The following SCAMP4 variants were observed in gnomAD, a reference collection of about 807,000 sequenced individuals.
The protein encoded by SCAMP4 is secretory carrier membrane protein 4, also known as secretory carrier-associated membrane protein 4.
A neutral mutation model predicts 32.1 loss-of-function variants in SCAMP4; 19 were observed. That is an observed-to-expected ratio of 0.59 (90% confidence interval 0.41 to 0.87). The LOEUF is 0.87. SCAMP4 is among the 40% of genes least tolerant of loss of function. The pLI is 0.00. For missense variants in SCAMP4, 302 were observed against 309.0 expected (o/e 0.98, Z 0.17); for synonymous variants, 152 against 132.7 (o/e 1.15, Z -1.00).
At chr19:1,918,450 G>C (rs2013808707) in intron 4 of SCAMP4, among the ~76,000 whole-genome samples, 167 bp downstream of exon 4, 1 of 152,182 alleles carries the variant, frequency 6.6e-6, no homozygotes, top group Non-Finnish European at 1.5e-5. Flanking sequence ...GCCAACTACT[G>C]TCTGTTTTGT....
At chr19:1,913,039 G>T in intron 1 of SCAMP4, 1 of 1,603,836 alleles carries the variant, frequency 6.2e-7, no homozygotes, top group Non-Finnish European at 8.5e-7. Flanking sequence ...TCGCCCGACG[G>T]CGCCCTGGGC....
chr19:1,924,003 G>T lies in SCAMP4; in HGVS notation c.514-105G>T. 7 of 312,874 alleles carry T rather than the reference G, an allele frequency of 2.2e-5. 2 individuals are homozygous for T. The highest frequency in any genetic ancestry group is 3.7e-5 in the African/African-American group (2 of 54,354). The allele number at this position is 312,874 out of a possible 1,614,324, so 19.4% of individuals were successfully genotyped here. A position where few individuals can be genotyped will look rare whatever the true frequency, so the allele number is the denominator to read the frequency against. On this transcript the variant is annotated intron_variant, in intron 6 of 6. Transcript: ENST00000316097. ...TCGAACTCCAGAGCTCAGACAGTCT[G>T]TCTGCCTCGGCCTCCCGAAGTGCTG...
At position 1,908,219 on chromosome 19, in the gene SCAMP4, C is replaced by T. The variant is rs773085442; in HGVS notation, c.-42+2780C>T. ...CCACCTGGCACGGGGCCTCGGGCAG[C>T]GGCAGCACCTGGCGCTGCCTCCGCG... On this transcript the variant is annotated intron_variant, in intron 1 of 6. Coordinates refer to ENST00000316097, the MANE Select transcript of SCAMP4 (RefSeq NM_079834.4). This position sits in a 1 kb window ranked among gnomAD's most constrained non-coding sequence, Gnocchi z 4.2. The T allele has an allele frequency of 7.2e-6, 2 of 278,762 alleles. No individual in the cohort carries two copies. The highest frequency in any genetic ancestry group is 3.0e-5 in the South Asian group (1 of 33,154). The allele number at this position is 278,762 out of a possible 1,614,324, so 17.3% of individuals were successfully genotyped here. A position where few individuals can be genotyped will look rare whatever the true frequency, so the allele number is the denominator to read the frequency against.
chr19:1,924,340 T>G lies in SCAMP4; in HGVS notation c.*56T>G. 12 of 1,475,278 alleles carry G rather than the reference T, an allele frequency of 8.1e-6. No homozygotes were observed. The highest frequency in any genetic ancestry group is 1.2e-5 in the South Asian group (1 of 82,078). 91.4% of individuals were successfully genotyped at this position (1,475,278 alleles called of 1,614,324 possible). A position where few individuals can be genotyped will look rare whatever the true frequency, so the allele number is the denominator to read the frequency against. ...ACCTCCTCCCCTTCATTCCTGCTGC[T>G]ACCCCTGGTCCCGAGGGCTGGGAGT... On this transcript the variant is annotated 3_prime_UTR_variant, in exon 7 of 7. Transcript: ENST00000316097.
Position 1,918,066 on chromosome 19 carries a change from A to G in SCAMP4, c.137-61A>G, listed in dbSNP as rs541852404. 23 of 1,560,006 alleles carry G rather than the reference A, an allele frequency of 1.5e-5. No individual in the cohort carries two copies. The South Asian group carries it at 2.5e-4, about 17-fold the overall frequency. On this transcript the variant is annotated intron_variant, in intron 3 of 6. Coordinates refer to ENST00000316097, the MANE Select transcript of SCAMP4 (RefSeq NM_079834.4). ...CAGCGGGTGCCCCATTGCTGGGCCC[A>G]TGCTTTCCCACGGCCACACCCTCCC...
At chr19:1,910,182 G>T (rs139784391) in intron 1 of SCAMP4, among the ~76,000 whole-genome samples, 1 of 152,302 alleles carries the variant, frequency 6.6e-6, no homozygotes, top group South Asian at 2.1e-4. Context: ...GGGTCTCACC[G>T]GGCTGGAACC....
chr19:1,924,422 G>A lies in SCAMP4; in HGVS notation c.*138G>A, dbSNP rs1030300435. On this transcript the variant is annotated 3_prime_UTR_variant, in exon 7 of 7. Coordinates refer to ENST00000316097, the MANE Select transcript of SCAMP4 (RefSeq NM_079834.4). ...TGGAAGCCGGTGGTGGCCACGGACC[G>A]CCCCCCTCCTGCCAGGGCCACAGAA... 38 of 701,984 alleles carry A rather than the reference G, an allele frequency of 5.4e-5. No homozygotes were observed. Among genetic ancestry groups the A allele is most frequent in the Middle Eastern group, 4.0e-4 (1 of 2,498 alleles). The allele number at this position is 701,984 out of a possible 1,614,324, so 43.5% of individuals were successfully genotyped here. A position where few individuals can be genotyped will look rare whatever the true frequency, so the allele number is the denominator to read the frequency against.
chr19:1,912,937 G>C (rs1171712499), intron 1 of SCAMP4: 2 of 1,610,298 alleles, frequency 1.2e-6, no homozygotes, highest in African/African-American at 1.3e-5. Context: ...CTGTGCACTG[G>C]CTACGACCTG....
At chr19:1,921,417 G>A in intron 5 of SCAMP4, 3 of 984,204 alleles carry the variant, frequency 3.0e-6, no homozygotes, top group Non-Finnish European at 3.6e-6. Flanking sequence ...TGGCCACATG[G>A]CGGCAGCCAG....
At chr19:1,923,448 CAG>C (rs1491030495) in intron 6 of SCAMP4, among the ~76,000 whole-genome samples, 2 of 152,144 alleles carry the variant, frequency 1.3e-5, no homozygotes, top group Non-Finnish European at 2.9e-5. Flanking sequence ...CAGAGGGAAG[CAG>C]GGGTTGTGTG....
At chr19:1,922,778 G>T in intron 5 of SCAMP4, 1 of 1,076,420 alleles carries the variant, frequency 9.3e-7, no homozygotes, top group Non-Finnish European at 1.1e-6. Context: ...TGCACGCACA[G>T]CCCACTGCTG....
At chr19:1,913,371 C>G in intron 1 of SCAMP4, 1 of 679,368 alleles carries the variant, frequency 1.5e-6, no homozygotes, top group Non-Finnish European at 2.5e-6. Flanking sequence ...CTGCGGCCGC[C>G]CTTGCTGCGT....
In SCAMP4 at chr19:1,908,858, CT is replaced by C. The variant is rs2013281725; in HGVS notation, c.-42+3422del. On this transcript the variant is annotated intron_variant, in intron 1 of 6. Transcript: ENST00000316097. This position sits in a 1 kb window ranked among gnomAD's most constrained non-coding sequence, Gnocchi z 4.2. ...GTGGCTCACACCTGTAATCCCAGCA[CT>C]TTGGGAGGCTGAGGCAGGTGGATCA... Among the ~76,000 whole-genome samples, 2 of 151,930 alleles carry C rather than the reference CT, an allele frequency of 1.3e-5. No individual in the cohort carries two copies. The highest frequency in any genetic ancestry group is 1.3e-4 in the Admixed American group (2 of 15,238).
At chr19:1,921,155 G>T (rs1599255630) in intron 5 of SCAMP4, 1 of 985,184 alleles carries the variant, frequency 1.0e-6, no homozygotes, top group Non-Finnish European at 1.2e-6. Context: ...GCTGTGGGGC[G>T]AGAGGGGACA....
chr19:1,908,557 C>CAA lies in SCAMP4; in HGVS notation c.-42+3119_-42+3120insAA. ...CAGTTCAGGATCACCCGGCTGGAGT[C>CAA]ATTTTAAGATCATCTGCGGCTTAGC... On this transcript the variant is annotated intron_variant, in intron 1 of 6. Coordinates refer to ENST00000316097, the MANE Select transcript of SCAMP4 (RefSeq NM_079834.4). The surrounding 1 kb of genome is among the most constrained non-coding windows in gnomAD (Gnocchi z 4.2). 2 of 471,160 alleles carry CAA rather than the reference C, an allele frequency of 4.2e-6. No homozygotes were observed. The highest frequency in any genetic ancestry group is 3.1e-5 in the South Asian group (2 of 64,572). 29.2% of individuals were successfully genotyped at this position (471,160 alleles called of 1,614,324 possible).
intron 1 of SCAMP4, chr19:1,912,078 C>T (rs577882904): frequency 1.2e-5 from 17 of 1,453,710 alleles, no homozygotes; most frequent in Non-Finnish European, 1.5e-5. Flanking sequence ...CTGTCTCCCA[C>T]AGTCGGCCTC....
In SCAMP4 at chr19:1,923,915, G is replaced by A. The variant is rs374235412; in HGVS notation, c.514-193G>A. Among the ~76,000 whole-genome samples the A allele has an allele frequency of 5.8e-4, 58 of 100,806 alleles. 4 individuals carry two copies. The highest frequency in any genetic ancestry group is 7.7e-4 in the African/African-American group (29 of 37,790). The allele number at this position is 100,806 out of a possible 152,430, so 66.1% of individuals were successfully genotyped here. ...GCTGGGATGACAGGCGTGAGCCACC[G>A]TGCCCGGCCTATTTTTTATATTGTA... On this transcript the variant is annotated intron_variant, in intron 6 of 6. Coordinates refer to ENST00000316097, the MANE Select transcript of SCAMP4 (RefSeq NM_079834.4).
rs1290500759 is a variant in SCAMP4 at position 1,925,484 on chromosome 19, C to G, written c.*1200C>G. On this transcript the variant is annotated 3_prime_UTR_variant, in exon 7 of 7. Coordinates refer to ENST00000316097, the MANE Select transcript of SCAMP4 (RefSeq NM_079834.4). ...CGGCCACAATTGTCTTGTCCCCTCA[C>G]CCCCCAACTCCCCCTGGAACACCTC... 1.3e-5 allele frequency: 2 copies of G among 152,782 alleles called. No homozygotes were observed. Among genetic ancestry groups the G allele is most frequent in the Admixed American group, 6.6e-5 (1 of 15,244 alleles). The allele number at this position is 152,782 out of a possible 1,614,324, so 9.5% of individuals were successfully genotyped here. A position where few individuals can be genotyped will look rare whatever the true frequency, so the allele number is the denominator to read the frequency against.
chr19:1,912,699 C>A (rs2013536695), intron 1 of SCAMP4: 1 of 1,485,540 alleles, frequency 6.7e-7, no homozygotes. Flanking sequence ...GGTAGTGGAC[C>A]CGGCCTCGGA....
Sources: gnomAD v4.1 joint callset for allele counts (sites outside exome capture counted in the v4.1 genomes callset) on GRCh38, gnomAD v4.1.1 for gene constraint, Gnocchi (gnomAD v3.1) non-coding constraint, MANE v1.5 for transcripts, NCBI Gene and HGNC (gene_info 2026-07-23, HGNC 2026-07-21) for gene names.